Variants in FNIP2 observed in about 807,000 individuals in gnomAD.
FNIP2 encodes the protein folliculin-interacting protein 2.
A neutral mutation model predicts 108.7 loss-of-function variants in FNIP2; 32 were observed. The observed-to-expected ratio is 0.29, with a 90% CI of 0.22 to 0.40. FNIP2 has a LOEUF of 0.40. Among genes scored for constraint, FNIP2 ranks in the 10% least tolerant of loss-of-function variants. The pLI is 1.00. For synonymous variants in FNIP2, 480 were observed against 496.7 expected (o/e 0.97, Z 0.45); for missense variants, 1,202 against 1,381.6 (o/e 0.87, Z 2.06).
At chr4:158,865,072 ACT>A (rs1338305788) in intron 12 of FNIP2, among the ~76,000 whole-genome samples, 4 of 151,356 alleles carry the variant, frequency 2.6e-5, no homozygotes, top group Admixed American at 2.0e-4. Context: ...GCTTCCATGC[ACT>A]CTGTCTTTGG....
chr4:158,787,708 T>C (rs1776267740), intron 1 of FNIP2, among the ~76,000 whole-genome samples: 1 of 152,250 alleles, frequency 6.6e-6, no homozygotes, highest in Non-Finnish European at 1.5e-5. Context: ...CTCTTGCATG[T>C]TGTTGGACTT....
chr4:158,868,096 C>G lies in FNIP2; in HGVS notation c.1466-6C>G. On this transcript the variant is annotated splice_polypyrimidine_tract_variant and splice_region_variant and intron_variant, in intron 12 of 16. Transcript: ENST00000264433. This position sits in a 1 kb window ranked among gnomAD's most constrained non-coding sequence, Gnocchi z 4.6. ...CACTGCCTTTGTGTCCACCTTTGCT[C>G]TCTAGGTGATCTTTACGGAGCCATA... The G allele has an allele frequency of 6.2e-7, 1 of 1,612,654 alleles. No individual in the cohort carries two copies. Among genetic ancestry groups the G allele is most frequent in the Non-Finnish European group, 8.5e-7 (1 of 1,178,912 alleles).
intron 1 of FNIP2, among the ~76,000 whole-genome samples, chr4:158,791,334 A>G (rs1390051493): frequency 2.4e-5 from 3 of 126,478 alleles, no homozygotes; most frequent in Non-Finnish European, 4.7e-5. Flanking sequence ...CCCAGGCTGG[A>G]GTGCAATGGT....
rs1003024365 is a variant in FNIP2, at chr4:158,821,977, C to T, written c.108-3939C>T. 3.3e-5 allele frequency among the ~76,000 whole-genome samples: 5 copies of T among 152,020 alleles called. No individual in the cohort carries two copies. In the South Asian group the frequency reaches 1.0e-3, roughly 32 times the overall value. ...TGGTGGCACATGCCTGTAGTCCCAGCTACTTGGGGGGCTGAGATGGGAGAA... is the reference window on the plus strand; with the variant it reads ...TGGTGGCACATGCCTGTAGTCCCAGTTACTTGGGGGGCTGAGATGGGAGAA... On this transcript the variant is annotated intron_variant, in intron 1 of 16. Transcript: ENST00000264433.
intron 14 of FNIP2, among the ~76,000 whole-genome samples, chr4:158,875,586 G>C: frequency 7.0e-6 from 1 of 143,846 alleles, no homozygotes. Flanking sequence ...TCAACCTGTA[G>C]GACTATAAAA....
intron 14 of FNIP2, among the ~76,000 whole-genome samples, chr4:158,888,364 C>G (rs1302931503): frequency 6.6e-6 from 1 of 152,176 alleles, no homozygotes; most frequent in Non-Finnish European, 1.5e-5. Flanking sequence ...CTGTAAGGAA[C>G]ACAAGATGCT....
At chr4:158,819,979 G>C (rs973453600) in intron 1 of FNIP2, among the ~76,000 whole-genome samples, 1 of 152,192 alleles carries the variant, frequency 6.6e-6, no homozygotes, top group Admixed American at 6.5e-5. Context: ...CATAGGAGCA[G>C]GGTTATGGTT....
intron 14 of FNIP2, among the ~76,000 whole-genome samples, chr4:158,882,599 T>A (rs1781741328): frequency 6.6e-6 from 1 of 152,256 alleles, no homozygotes; most frequent in Non-Finnish European, 1.5e-5. Flanking sequence ...AGATTGTTGC[T>A]GTGGCTGTGT....
chr4:158,902,071 G>T (rs183823028), intron 16 of FNIP2, among the ~76,000 whole-genome samples: 2 of 151,884 alleles, frequency 1.3e-5, no homozygotes, highest in Non-Finnish European at 2.9e-5. Context: ...AGAGCATTCT[G>T]GTTTTTTGAA....
chr4:158,782,997 A>G (rs146910033), intron 1 of FNIP2, among the ~76,000 whole-genome samples: 1 of 152,306 alleles, frequency 6.6e-6, no homozygotes, highest in East Asian at 1.9e-4. Flanking sequence ...TCCAGTTTGT[A>G]TTGGACTTTG....
chr4:158,820,353 C>T (rs2126542119), intron 1 of FNIP2, among the ~76,000 whole-genome samples: 1 of 152,288 alleles, frequency 6.6e-6, no homozygotes, highest in Non-Finnish European at 1.5e-5. Flanking sequence ...ACAACACCCA[C>T]ACTAGAACTG....
At chr4:158,791,174 A>C (rs1357253140) in intron 1 of FNIP2, among the ~76,000 whole-genome samples, 1 of 150,196 alleles carries the variant, frequency 6.7e-6, no homozygotes, top group Non-Finnish European at 1.5e-5. Context: ...ATTTTCAGGC[A>C]GTTTTGCTTC....
At chr4:158,837,844 G>A (rs982695515) in intron 7 of FNIP2, among the ~76,000 whole-genome samples, 3 of 152,334 alleles carry the variant, frequency 2.0e-5, no homozygotes, top group Non-Finnish European at 4.4e-5. Flanking sequence ...TGGTTCTCCT[G>A]TTGGGAGGAA....
chr4:158,886,618 T>C (rs1782039988), intron 14 of FNIP2, among the ~76,000 whole-genome samples: 1 of 152,244 alleles, frequency 6.6e-6, no homozygotes, highest in African/African-American at 2.4e-5. Flanking sequence ...TCCATTCTAA[T>C]AGGAGAATTT....
chr4:158,854,092 T>G (rs1779851806), intron 8 of FNIP2, among the ~76,000 whole-genome samples: 1 of 152,266 alleles, frequency 6.6e-6, no homozygotes, highest in Non-Finnish European at 1.5e-5. Context: ...ATATTTACTT[T>G]GCAGTGTTGC....
chr4:158,800,687 T>C lies in FNIP2; in HGVS notation c.108-25229T>C, dbSNP rs529212741. On this transcript the variant is annotated intron_variant, in intron 1 of 16. Coordinates refer to ENST00000264433, the MANE Select transcript of FNIP2 (RefSeq NM_020840.3). ...ATGGCTGCTCAAAAGCGTTCTGATA[T>C]TGTTTTTCTATGCTTTCTTTTTTCT... Among the ~76,000 whole-genome samples, 9 of 152,352 alleles carry C rather than the reference T, an allele frequency of 5.9e-5. No individual in the cohort carries two copies. The East Asian group carries it at 9.6e-4, about 16-fold the overall frequency.
At chr4:158,867,626 T>A (rs1327004100) in intron 12 of FNIP2, among the ~76,000 whole-genome samples, 1 of 152,256 alleles carries the variant, frequency 6.6e-6, no homozygotes, top group Non-Finnish European at 1.5e-5. Context: ...GACCACCTCA[T>A]TAAGTATTTT....
chr4:158,882,538 C>T (rs1322149499), intron 14 of FNIP2, among the ~76,000 whole-genome samples: 4 of 152,174 alleles, frequency 2.6e-5, no homozygotes, highest in African/African-American at 9.7e-5. Flanking sequence ...ATGACGATGG[C>T]GGTTTTGTCG....
rs761898216 is a variant in FNIP2 at position 158,861,642 on chromosome 4, A to T, written c.1331A>T (p.Tyr444Phe). The change falls in exon 12 of 17, where the codon TAC becomes TTC. Residue 444 changes from tyrosine to phenylalanine, a missense_variant. By Grantham distance (22) the Tyr-to-Phe change is conservative (BLOSUM62 3). Transcript: ENST00000264433. Reference protein sequence around the residue: ...FAALLTAVLTYHLAWVPTVMP... With the variant: ...FAALLTAVLTFHLAWVPTVMP... ...GCCTTACTGACTGCGGTGTTAACCT[A>T]CCACCTGGCCTGGGTCCCAACTGTC... The T allele has an allele frequency of 1.2e-6, 2 of 1,613,962 alleles. No individual in the cohort carries two copies. The highest frequency in any genetic ancestry group is 1.7e-5 in the Admixed American group (1 of 60,026).
Sources: gnomAD v4.1 joint callset for allele counts (sites outside exome capture counted in the v4.1 genomes callset) on GRCh38, gnomAD v4.1.1 for gene constraint, Gnocchi (gnomAD v3.1) non-coding constraint, MANE v1.5 for transcripts, NCBI Gene and HGNC (gene_info 2026-07-23, HGNC 2026-07-21) for gene names.